TEKT5: variants seen among roughly 807,000 people sequenced by gnomAD.
TEKT5 encodes tektin 5.
Under a neutral mutation model 48.7 loss-of-function variants are expected in TEKT5, and 52 were observed. The ratio of observed to expected loss-of-function variants is 1.07; its 90% CI spans 0.86 to 1.35. The LOEUF is 1.35. Ranked by LOEUF, TEKT5 falls within the 40% of genes most tolerant of loss-of-function variation. The probability of loss-of-function intolerance (pLI) is 0.00; values close to 1 mark genes in which losing one functional copy is unlikely to be tolerated. For synonymous variants in TEKT5, 318 were observed against 267.6 expected (o/e 1.19, Z -1.84); for missense variants, 831 against 641.6 (o/e 1.30, Z -3.19).
intron 5 of TEKT5, among the ~76,000 whole-genome samples, chr16:10,659,014 A>T (rs1268522635): frequency 6.6e-6 from 1 of 152,202 alleles, no homozygotes; most frequent in Non-Finnish European, 1.5e-5. Flanking sequence ...CACGGTGCCC[A>T]GTCTGGGACC....
intron 5 of TEKT5, among the ~76,000 whole-genome samples, 155 bp downstream of exon 5, chr16:10,675,804 C>T (rs1898634297): frequency 6.6e-6 from 1 of 152,154 alleles, no homozygotes; most frequent in South Asian, 2.1e-4. Flanking sequence ...CAGCCCTTGG[C>T]CCCTTTTAGG....
chr16:10,643,996 C>T (rs899772191), intron 5 of TEKT5, among the ~76,000 whole-genome samples: 3 of 152,046 alleles, frequency 2.0e-5, no homozygotes, highest in Admixed American at 6.5e-5. Context: ...GAACCGAGGT[C>T]GCACCATCGC....
intron 6 of TEKT5, 110 bp from the exon 7 acceptor site, chr16:10,627,909 C>G: frequency 2.0e-6 from 2 of 988,648 alleles, no homozygotes; most frequent in Non-Finnish European, 3.0e-6. Context: ...GTGGCACAAT[C>G]TCGGCTCACT....
intron 6 of TEKT5, among the ~76,000 whole-genome samples, chr16:10,630,110 G>A (rs1897816369): frequency 6.6e-6 from 1 of 151,650 alleles, no homozygotes; most frequent in South Asian, 2.1e-4. Flanking sequence ...TAATTTTAAT[G>A]TTTTGTAGAG....
At chr16:10,662,013 A>G (rs184476300) in intron 5 of TEKT5, among the ~76,000 whole-genome samples, 232 of 152,094 alleles carry the variant, frequency 1.5e-3, no homozygotes, top group Admixed American at 5.0e-3. Flanking sequence ...CTACCTATCT[A>G]CTATCTTTTT....
At position 10,690,029 on chromosome 16, in the gene TEKT5, T is replaced by G. The variant is rs182614731; in HGVS notation, c.565-4A>C. The G allele has an allele frequency of 6.2e-7, 1 of 1,614,006 alleles. No homozygotes were observed. The highest frequency in any genetic ancestry group is 1.3e-5 in the African/African-American group (1 of 75,042). On this transcript the variant is annotated splice_polypyrimidine_tract_variant and splice_region_variant and intron_variant, in intron 1 of 6. Coordinates refer to ENST00000283025, the MANE Select transcript of TEKT5 (RefSeq NM_144674.2). ...GGTACAGACACTCCAAGGCCACCTG[T>G]GGGAAGCAGCAGAAAGAACGTATTC...
chr16:10,679,921 T>TAAATAAATAAATA (rs1898716126), intron 4 of TEKT5, among the ~76,000 whole-genome samples: 1 of 151,356 alleles, frequency 6.6e-6, no homozygotes, highest in South Asian at 2.1e-4. Flanking sequence ...AATAAATAAA[T>TAAATAAATAAATA]AAGAAAACCA....
chr16:10,668,613 C>T (rs1052290417), intron 5 of TEKT5, among the ~76,000 whole-genome samples: 2 of 152,194 alleles, frequency 1.3e-5, no homozygotes, highest in Non-Finnish European at 2.9e-5. Flanking sequence ...ACCCCTCAGA[C>T]GCCAGGCCTT....
intron 5 of TEKT5, among the ~76,000 whole-genome samples, chr16:10,661,265 G>C (rs1393471134): frequency 6.6e-6 from 1 of 152,144 alleles, no homozygotes; most frequent in Non-Finnish European, 1.5e-5. Context: ...ATCCCCCAAA[G>C]CTGTCCATCT....
rs911589022 is a variant in TEKT5 at position 10,660,700 on chromosome 16, T to C, written c.1086+15259A>G. Among the ~76,000 whole-genome samples, 19 of 118,708 alleles carry C rather than the reference T, an allele frequency of 1.6e-4. No individual in the cohort carries two copies. In the Admixed American group the frequency reaches 1.8e-3, roughly 11 times the overall value. The allele number at this position is 118,708 out of a possible 152,430, so 77.9% of individuals were successfully genotyped here. On this transcript the variant is annotated intron_variant, in intron 5 of 6. Coordinates refer to ENST00000283025, the MANE Select transcript of TEKT5 (RefSeq NM_144674.2). ...GTGTGTGTGTGTGTGTGTGTGTGTG[T>C]GTGTTATTTATTTATTTGAAGACAG...
Position 10,682,147 on chromosome 16 carries a change from G to T in TEKT5, c.720-11C>A. The T allele has an allele frequency of 6.2e-7, 1 of 1,613,600 alleles. No homozygotes were observed. The highest frequency in any genetic ancestry group is 8.5e-7 in the Non-Finnish European group (1 of 1,179,710). On this transcript the variant is annotated splice_polypyrimidine_tract_variant and intron_variant, in intron 3 of 6. Coordinates refer to ENST00000283025, the MANE Select transcript of TEKT5 (RefSeq NM_144674.2). ...GCATCCCGGTTATCCCTGCAGGGAG[G>T]GAGGAGTCATTCCTGGACTATGCAC... is the stretch of plus-strand genomic sequence containing the variant.
intron 5 of TEKT5, among the ~76,000 whole-genome samples, chr16:10,667,381 A>G (rs1898475671): frequency 6.6e-6 from 1 of 152,236 alleles, no homozygotes; most frequent in African/African-American, 2.4e-5. Context: ...TACCAATCAC[A>G]GAATTTTAGC....
chr16:10,633,007 G>A (rs1049775067), intron 6 of TEKT5, among the ~76,000 whole-genome samples: 1 of 152,148 alleles, frequency 6.6e-6, no homozygotes, highest in Non-Finnish European at 1.5e-5. Flanking sequence ...GGAAGGCAGA[G>A]AGCTTGCCCC....
chr16:10,690,161 T>A, intron 1 of TEKT5, 136 bp from the exon 2 acceptor site: 1 of 807,214 alleles, frequency 1.2e-6, no homozygotes, highest in Non-Finnish European at 2.0e-6. Context: ...ACCTCACTAC[T>A]GGGCATTGGA....
chr16:10,637,456 G>A (rs567605901), intron 5 of TEKT5, among the ~76,000 whole-genome samples: 3 of 151,282 alleles, frequency 2.0e-5, no homozygotes, highest in East Asian at 1.9e-4. Context: ...GGAAGGAGGA[G>A]GGGAGAGGGG....
At chr16:10,659,291 A>T (rs1164593637) in intron 5 of TEKT5, among the ~76,000 whole-genome samples, 3 of 152,370 alleles carry the variant, frequency 2.0e-5, no homozygotes, top group Middle Eastern at 3.4e-3. Context: ...GAATATGTAC[A>T]ACTATTATGT....
chr16:10,660,235 G>C (rs999749276), intron 5 of TEKT5, among the ~76,000 whole-genome samples: 1 of 152,152 alleles, frequency 6.6e-6, no homozygotes, highest in African/African-American at 2.4e-5. Flanking sequence ...GGGGTTGCCT[G>C]TGTAATAGAA....
intron 5 of TEKT5, among the ~76,000 whole-genome samples, chr16:10,641,604 G>A (rs540206807): frequency 6.6e-6 from 1 of 152,158 alleles, no homozygotes; most frequent in East Asian, 1.9e-4. Flanking sequence ...AGGATCACTT[G>A]AGTCCAGGAG....
intron 5 of TEKT5, among the ~76,000 whole-genome samples, chr16:10,644,380 G>A (rs553084370): frequency 1.3e-5 from 2 of 152,270 alleles, no homozygotes; most frequent in South Asian, 4.2e-4. Context: ...TCAAAGTGGC[G>A]TTCGCAGATC....
Sources: gnomAD v4.1 joint callset for allele counts (sites outside exome capture counted in the v4.1 genomes callset) on GRCh38, gnomAD v4.1.1 for gene constraint, MANE v1.5 for transcripts, NCBI Gene and HGNC (gene_info 2026-07-23, HGNC 2026-07-21) for gene names.